Variants in KLKB1 observed in about 807,000 individuals in gnomAD.
KLKB1 encodes the protein kallikrein B1.
Under a neutral mutation model 73.6 loss-of-function variants are expected in KLKB1, and 58 were observed. That is an observed-to-expected ratio of 0.79 (90% confidence interval 0.64 to 0.98). KLKB1 has a LOEUF of 0.98. KLKB1 is among the 50% of genes least tolerant of loss of function. The pLI is 0.00. For synonymous variants in KLKB1, 280 were observed against 258.1 expected (o/e 1.08, Z -0.81); for missense variants, 737 against 763.8 (o/e 0.96, Z 0.41).
At chr4:186,245,884 G>A (rs1394327158) in intron 6 of KLKB1, among the ~76,000 whole-genome samples, 1 of 145,806 alleles carries the variant, frequency 6.9e-6, no homozygotes, top group African/African-American at 2.5e-5. Context: ...AGAATAAGAG[G>A]CCTTCTGACC....
In KLKB1 at chr4:186,251,543, G is replaced by A; in HGVS notation, c.925G>A (p.Val309Met). ...GVDFGGEELN[V>M]TFVKGVNVCQ... ...TGACTTTGGAGGAGAAGAATTGAAT[G>A]TGACTTTTGTTAAAGGAGTGAATGT... is the stretch of plus-strand genomic sequence containing the variant. Residue 309 changes from valine to methionine, a missense_variant, in exon 9 of 15, where the codon GTG becomes ATG. By Grantham distance (21) the Val-to-Met change is conservative (BLOSUM62 1). Transcript: ENST00000264690. The A allele has an allele frequency of 1.9e-6, 3 of 1,614,044 alleles. No individual in the cohort carries two copies. The highest frequency in any genetic ancestry group is 2.5e-6 in the Non-Finnish European group (3 of 1,179,936).
chr4:186,237,406 T>A (rs1470980072), intron 5 of KLKB1, among the ~76,000 whole-genome samples: 1 of 152,210 alleles, frequency 6.6e-6, no homozygotes, highest in Non-Finnish European at 1.5e-5. Flanking sequence ...CCTTCATTTT[T>A]TAATTAAATA....
rs1319557606 is a variant in KLKB1 at position 186,251,761 on chromosome 4, CTTAAGA to C, written c.1048_1053del (p.Arg350_Leu351del). The C allele has an allele frequency of 2.5e-6, 4 of 1,613,522 alleles. No homozygotes were observed. The highest frequency in any genetic ancestry group is 1.7e-4 in the Middle Eastern group (1 of 6,060). ...TCATTTCATCTAGGTGTAAGTGTTT[CTTAAGA>C]TTATCTATGGATGGTTCTCCAACTA... is the stretch of plus-strand genomic sequence containing the variant. On this transcript the variant is annotated inframe_deletion, in exon 10 of 15. Transcript: ENST00000264690.
At chr4:186,244,878 T>G (rs1325429039) in intron 6 of KLKB1, among the ~76,000 whole-genome samples, 7 of 152,018 alleles carry the variant, frequency 4.6e-5, no homozygotes, top group South Asian at 4.2e-4. Flanking sequence ...GCGGGGTAAG[T>G]GTGATTAGGT....
chr4:186,249,339 A>C (rs772515529), intron 6 of KLKB1, among the ~76,000 whole-genome samples: 1 of 152,236 alleles, frequency 6.6e-6, no homozygotes, highest in African/African-American at 2.4e-5. Flanking sequence ...TATATGGTGT[A>C]AAGTAGCAAT....
At chr4:186,217,267 G>A (rs1736926479) in intron 2 of KLKB1, among the ~76,000 whole-genome samples, 1 of 151,970 alleles carries the variant, frequency 6.6e-6, no homozygotes, top group South Asian at 2.1e-4. Context: ...TGTGAAGGCA[G>A]GGTGCTTTTG....
At chr4:186,240,909 G>A (rs934493715) in intron 6 of KLKB1, among the ~76,000 whole-genome samples, 3 of 152,176 alleles carry the variant, frequency 2.0e-5, no homozygotes, top group African/African-American at 7.2e-5. Context: ...ACTTACCCAG[G>A]GAACAGGCAA....
chr4:186,225,610 A>G (rs546368566), upstream of KLKB1, among the ~76,000 whole-genome samples: 4 of 151,132 alleles, frequency 2.6e-5, no homozygotes, highest in Non-Finnish European at 5.9e-5. Context: ...TTTTTTTTGT[A>G]TTTTTAGTAG....
At chr4:186,222,005 T>C (rs145180462), upstream of KLKB1, among the ~76,000 whole-genome samples, 226 of 152,350 alleles carry the variant, frequency 1.5e-3, 2 homozygotes, top group African/African-American at 5.2e-3. Flanking sequence ...CTTTTACCAT[T>C]ATATAATGAC....
In KLKB1 at chr4:186,228,233, T is replaced by A; in HGVS notation, c.38T>A (p.Leu13Ter). The A allele has an allele frequency of 1.3e-6, 2 of 1,595,632 alleles. No homozygotes were observed. The highest frequency in any genetic ancestry group is 1.7e-6 in the Non-Finnish European group (2 of 1,163,326). Residue 13 changes from leucine to a stop codon, truncating the protein, a stop_gained, in exon 2 of 15, where the codon TTG (leucine) becomes TAG (stop). Transcript: ENST00000264690. LOFTEE classifies it high-confidence loss of function. The part of the protein sequence containing the change: ...LFKQATYFIS[L>*]FATVSCGCLT... ...AAGCAAGCAACTTATTTCATTTCCT[T>A]GTTTGCTACAGTTTCCTGTGGTAAG...
At chr4:186,234,547 C>T (rs1420951353) in intron 4 of KLKB1, among the ~76,000 whole-genome samples, 1 of 152,130 alleles carries the variant, frequency 6.6e-6, no homozygotes, top group African/African-American at 2.4e-5. Context: ...GAATGCTGAC[C>T]AACATTCTAC....
upstream of KLKB1, among the ~76,000 whole-genome samples, chr4:186,224,096 G>A (rs1160898385): frequency 1.3e-5 from 2 of 152,250 alleles, no homozygotes; most frequent in East Asian, 1.9e-4. Flanking sequence ...TTGGGTCTGC[G>A]AGTTCACAGA....
In KLKB1 at chr4:186,254,603, T is replaced by C; in HGVS notation, c.1329T>C (p.Asp443=). 6.2e-7 allele frequency: 1 copy of C among 1,614,068 alleles called. No homozygotes were observed. The highest frequency in any genetic ancestry group is 8.5e-7 in the Non-Finnish European group (1 of 1,179,904). Residue 443 remains aspartate, a synonymous_variant, in exon 12 of 15, where the codon GAT becomes GAC. Coordinates refer to ENST00000264690, the MANE Select transcript of KLKB1 (RefSeq NM_000892.5). ...AHCFDGLPLQ[D]VWRIYSGILN... ...TCTCTCCTAGGCTTCCCCTGCAGGA[T>C]GTTTGGCGCATCTATAGTGGCATTT...
chr4:186,245,812 G>A lies in KLKB1; in HGVS notation c.599-4431G>A, dbSNP rs56060368. Reference sequence around the variant, plus strand: ...AATCTAATTTTTGGAGTTTTTTTTTGTTTGTTTTTTGGTTTTTTTTTTTTA... The same window carrying A: ...AATCTAATTTTTGGAGTTTTTTTTTATTTGTTTTTTGGTTTTTTTTTTTTA... On this transcript the variant is annotated intron_variant, in intron 6 of 14. Transcript: ENST00000264690. Among the ~76,000 whole-genome samples, 2 of 88,682 alleles carry A rather than the reference G, an allele frequency of 2.3e-5. 1 individual carries two copies. The highest frequency in any genetic ancestry group is 4.3e-5 in the Non-Finnish European group (2 of 46,596). The allele number at this position is 88,682 out of a possible 152,430, so 58.2% of individuals were successfully genotyped here.
intron 13 of KLKB1, 96 bp downstream of exon 13, chr4:186,256,183 A>ATCTAAACT (rs1580045811): frequency 5.3e-6 from 4 of 755,096 alleles, no homozygotes; most frequent in Non-Finnish European, 7.2e-6. Context: ...CTGAAATTAT[A>ATCTAAACT]TCTAAACTCT....
At chr4:186,225,588 C>A (rs184456818), upstream of KLKB1, among the ~76,000 whole-genome samples, 1 of 151,836 alleles carries the variant, frequency 6.6e-6, no homozygotes, top group African/African-American at 2.4e-5. Flanking sequence ...CCCACCACCA[C>A]GCCTGGCTAA....
At chr4:186,243,706 G>A (rs547626478) in intron 6 of KLKB1, among the ~76,000 whole-genome samples, 26 of 152,334 alleles carry the variant, frequency 1.7e-4, no homozygotes, top group South Asian at 1.2e-3. Context: ...AATATGGAAG[G>A]CATATTTAGA....
chr4:186,234,736 G>A (rs1404515533), intron 4 of KLKB1, among the ~76,000 whole-genome samples: 1 of 152,172 alleles, frequency 6.6e-6, no homozygotes, highest in Non-Finnish European at 1.5e-5. Context: ...AGAGAACTTT[G>A]ATTCTGACAT....
At position 186,238,265 on chromosome 4, in the gene KLKB1, C is replaced by A; in HGVS notation, c.498C>A (p.Cys166Ter). The A allele has an allele frequency of 6.2e-7, 1 of 1,609,582 alleles. No individual in the cohort carries two copies. The highest frequency in any genetic ancestry group is 8.5e-7 in the Non-Finnish European group (1 of 1,175,884). Residue 166 changes from cysteine to a stop codon, truncating the protein, a stop_gained, in exon 6 of 15, where the codon TGC (cysteine) becomes TGA (stop). Transcript: ENST00000264690. LOFTEE classifies it high-confidence loss of function. ...TTTTCTTCCCATTCAGGAACAATTG[C>A]CTATTAAAGTACAGTCCCGGAGGAA... ...TFHKAEYRNNCLLKYSPGGTP... is the reference protein window; with the variant it reads ...TFHKAEYRNN
Sources: gnomAD v4.1 joint callset for allele counts (sites outside exome capture counted in the v4.1 genomes callset) on GRCh38, gnomAD v4.1.1 for gene constraint, MANE v1.5 for transcripts, NCBI Gene and HGNC (gene_info 2026-07-23, HGNC 2026-07-21) for gene names.